ASPRV1: variants seen among roughly 807,000 people sequenced by gnomAD.
The protein encoded by ASPRV1 is aspartic peptidase retroviral like 1.
ASPRV1 carries 7 observed loss-of-function variants against 11.0 expected under a neutral mutation model. That is an observed-to-expected ratio of 0.64 (90% confidence interval 0.36 to 1.20). ASPRV1 has a LOEUF of 1.20. Among genes scored for constraint, ASPRV1 ranks in the 50% most tolerant of loss-of-function variants. The pLI is 0.02. For missense variants in ASPRV1, 299 were observed against 320.0 expected (o/e 0.93, Z 0.50); for synonymous variants, 136 against 138.4 (o/e 0.98, Z 0.12).
At chr2:69,945,160 G>A in the ASPRV1 span, among the ~76,000 whole-genome samples, 10 of 152,202 alleles carry the variant, frequency 6.6e-5, no homozygotes, top group Admixed American at 3.9e-4. Flanking sequence ...GAGGATGGGC[G>A]CCCAGGAGGT....
chr2:70,029,079 G>A, the ASPRV1 span, among the ~76,000 whole-genome samples: 1 of 152,180 alleles, frequency 6.6e-6, no homozygotes, highest in African/African-American at 2.4e-5. Flanking sequence ...AGAGTAGGGG[G>A]TAGGGGACTG....
chr2:69,945,147 T>C, the ASPRV1 span, among the ~76,000 whole-genome samples: 4 of 152,014 alleles, frequency 2.6e-5, no homozygotes, highest in Non-Finnish European at 2.9e-5. Context: ...GAGGCTGAGA[T>C]GGGAGGATGG....
At chr2:69,938,042 T>G in the ASPRV1 span, 4 of 1,560,934 alleles carry the variant, frequency 2.6e-6, no homozygotes, top group Non-Finnish European at 2.6e-6. Flanking sequence ...CCACCACGCC[T>G]GAGCTTTCTG....
At chr2:70,009,659 C>A in the ASPRV1 span, among the ~76,000 whole-genome samples, 68 of 152,236 alleles carry the variant, frequency 4.5e-4, no homozygotes, top group African/African-American at 1.6e-3. Context: ...AAATAAATAC[C>A]CACACATCCT....
chr2:70,041,686 A>G, the ASPRV1 span, among the ~76,000 whole-genome samples: 9 of 152,204 alleles, frequency 5.9e-5, no homozygotes, highest in Non-Finnish European at 1.3e-4. Flanking sequence ...GGTGCTCAGG[A>G]GCACTCTAGA....
At chr2:70,029,015 A>G in the ASPRV1 span, among the ~76,000 whole-genome samples, 218 of 152,284 alleles carry the variant, frequency 1.4e-3, 1 homozygote, top group Non-Finnish European at 2.7e-3. Context: ...ACCACCAGAG[A>G]GGCCCTAAAG....
chr2:69,978,508 T>G, the ASPRV1 span, among the ~76,000 whole-genome samples: 1 of 152,170 alleles, frequency 6.6e-6, no homozygotes, highest in Non-Finnish European at 1.5e-5. Flanking sequence ...TTATGCGGAT[T>G]AAAGGAGATA....
At chr2:70,057,757 G>A in the ASPRV1 span, among the ~76,000 whole-genome samples, 10 of 151,572 alleles carry the variant, frequency 6.6e-5, no homozygotes. Context: ...GGGATTATAG[G>A]CATGAGCCAC....
chr2:69,944,178 T>A, the ASPRV1 span, among the ~76,000 whole-genome samples: 1 of 152,216 alleles, frequency 6.6e-6, no homozygotes, highest in African/African-American at 2.4e-5. Flanking sequence ...AGCATCAGGA[T>A]CCCTTGTTTA....
At chr2:69,980,970 T>TGGGG in the ASPRV1 span, among the ~76,000 whole-genome samples, 1 of 152,154 alleles carries the variant, frequency 6.6e-6, no homozygotes, top group Non-Finnish European at 1.5e-5. Flanking sequence ...GAGATGGGGT[T>TGGGG]TCTCCATTTT....
At chr2:70,022,547 G>T in the ASPRV1 span, among the ~76,000 whole-genome samples, 1 of 151,910 alleles carries the variant, frequency 6.6e-6, no homozygotes, top group Non-Finnish European at 1.5e-5. Context: ...AAGTTAGTGG[G>T]GGCATGGTGG....
At chr2:69,962,218 AC>A (rs1678148503), upstream of ASPRV1, 3 of 169,002 alleles carry the variant, frequency 1.8e-5, no homozygotes, top group Non-Finnish European at 4.3e-5. Flanking sequence ...ACACACACAC[AC>A]ACACACACAC....
At chr2:70,049,635 T>C in the ASPRV1 span, 7 of 152,206 alleles carry the variant, frequency 4.6e-5, no homozygotes, top group Admixed American at 1.3e-4. Context: ...TCATTCCAAA[T>C]GAACAATGGC....
the ASPRV1 span, among the ~76,000 whole-genome samples, chr2:69,936,647 C>T: frequency 6.6e-6 from 1 of 152,224 alleles, no homozygotes; most frequent in East Asian, 1.9e-4. Flanking sequence ...AAGCTGGGGG[C>T]AGATTTATAA....
At chr2:69,964,515 C>A, upstream of ASPRV1, 1 of 295,346 alleles carries the variant, frequency 3.4e-6, no homozygotes, top group Admixed American at 4.6e-5. Flanking sequence ...TGGAAGCACA[C>A]AGAGACCTTG....
the ASPRV1 span, chr2:69,938,175 C>G: frequency 6.2e-7 from 1 of 1,614,226 alleles, no homozygotes; most frequent in Non-Finnish European, 8.5e-7. Flanking sequence ...GTGAGCGACT[C>G]TGACGAGCGG....
chr2:69,936,480 C>A, the ASPRV1 span, among the ~76,000 whole-genome samples: 1 of 152,192 alleles, frequency 6.6e-6, no homozygotes, highest in African/African-American at 2.4e-5. Flanking sequence ...AGCCAAAATC[C>A]CTGTTTAGCA....
chr2:69,943,371 A>C, the ASPRV1 span, among the ~76,000 whole-genome samples: 1 of 152,192 alleles, frequency 6.6e-6, no homozygotes, highest in Non-Finnish European at 1.5e-5. Flanking sequence ...GGAAAGCTCC[A>C]TGAGAAGTTA....
chr2:70,035,136 C>T, the ASPRV1 span: 1 of 152,244 alleles, frequency 6.6e-6, no homozygotes, highest in Non-Finnish European at 1.5e-5. Context: ...GAGCCTCCTA[C>T]AGCGGACCTA....
Sources: gnomAD v4.1 joint callset for allele counts (sites outside exome capture counted in the v4.1 genomes callset) on GRCh38, gnomAD v4.1.1 for gene constraint, MANE v1.5 for transcripts, NCBI Gene and HGNC (gene_info 2026-07-23, HGNC 2026-07-21) for gene names.